ARHGEF10: variants seen among roughly 807,000 people sequenced by gnomAD.
ARHGEF10 encodes the protein Rho guanine nucleotide exchange factor (GEF) 10.
Under a neutral mutation model 147.4 loss-of-function variants are expected in ARHGEF10, and 140 were observed. That is an observed-to-expected ratio of 0.95 (90% CI 0.83 to 1.09). ARHGEF10 has a LOEUF of 1.09. Among genes scored for constraint, ARHGEF10 ranks in the 50% least tolerant of loss-of-function variants. The pLI is 0.00. For missense variants in ARHGEF10, 2,222 were observed against 1,752.7 expected, an observed-to-expected ratio of 1.27 and a Z score of -4.78; for synonymous variants, 902 against 695.8, an observed-to-expected ratio of 1.30 and a Z score of -4.67.
chr8:1,832,206 G>A (rs1166551016), intron 1 of ARHGEF10, among the ~76,000 whole-genome samples: 2 of 149,574 alleles, frequency 1.3e-5, no homozygotes, highest in South Asian at 2.1e-4. Context: ...TCCAAGGGAT[G>A]GAGCGTCCGT....
intron 18 of ARHGEF10, among the ~76,000 whole-genome samples, chr8:1,915,836 T>C (rs1811721167): frequency 6.6e-6 from 1 of 152,264 alleles, no homozygotes; most frequent in Non-Finnish European, 1.5e-5. Context: ...CGTGATCTGC[T>C]GATGCCAAAA....
chr8:1,955,010 TCCC>T (rs1563338615), intron 28 of ARHGEF10, among the ~76,000 whole-genome samples: 4 of 129,216 alleles, frequency 3.1e-5, no homozygotes, highest in East Asian at 2.3e-4. Flanking sequence ...AGCCAGGTGC[TCCC>T]TGAAAGGAGG....
intron 25 of ARHGEF10, 63 bp from the exon 26 acceptor site, chr8:1,933,737 C>G (rs969465002): frequency 1.0e-5 from 16 of 1,580,832 alleles, no homozygotes; most frequent in Non-Finnish European, 1.4e-5. Context: ...ATGTATGACC[C>G]CATTTTCCCA....
chr8:1,919,179 C>CTGGGTGATGGAGCTGTTCCG (rs1812006545), intron 18 of ARHGEF10, among the ~76,000 whole-genome samples: 2 of 64,988 alleles, frequency 3.1e-5, no homozygotes, highest in Admixed American at 1.6e-4. Context: ...GAGCTGTTCT[C>CTGGGTGATGGAGCTGTTCCG]TGGGTGATGG....
At chr8:1,911,916 C>G (rs1214517842) in intron 18 of ARHGEF10, among the ~76,000 whole-genome samples, 1 of 152,212 alleles carries the variant, frequency 6.6e-6, no homozygotes, top group South Asian at 2.1e-4. Context: ...TCTTCCGGTT[C>G]TCTTGGTTTG....
At chr8:1,889,836 G>A (rs115295552) in intron 11 of ARHGEF10, among the ~76,000 whole-genome samples, 106 of 132,622 alleles carry the variant, frequency 8.0e-4, no homozygotes, top group African/African-American at 3.0e-3. Context: ...GAAGACACTA[G>A]GTGGGGTGAG....
chr8:1,887,906 C>T (rs558612976), intron 11 of ARHGEF10, among the ~76,000 whole-genome samples: 45 of 146,658 alleles, frequency 3.1e-4, no homozygotes, highest in Admixed American at 4.7e-4. Context: ...CAAGGAAACA[C>T]GGAGTGGGGT....
intron 3 of ARHGEF10, chr8:1,858,783 A>G: frequency 8.2e-6 from 1 of 122,410 alleles, no homozygotes. Flanking sequence ...TCAGTTTGGC[A>G]GCGTTCCTCT....
At chr8:1,876,873 T>C (rs947478573) in intron 8 of ARHGEF10, 139 bp downstream of exon 8, 2 of 959,180 alleles carry the variant, frequency 2.1e-6, no homozygotes, top group African/African-American at 1.6e-5. Flanking sequence ...AAGCATAAGA[T>C]ATTGGCAAAG....
intron 18 of ARHGEF10, among the ~76,000 whole-genome samples, chr8:1,917,463 C>G (rs1811844056): frequency 6.6e-6 from 1 of 152,208 alleles, no homozygotes; most frequent in African/African-American, 2.4e-5. Context: ...CGAGCACACC[C>G]CCAGGGGCTT....
intron 27 of ARHGEF10, among the ~76,000 whole-genome samples, chr8:1,952,340 C>T (rs758709969): frequency 3.9e-5 from 6 of 152,200 alleles, no homozygotes; most frequent in African/African-American, 7.2e-5. Flanking sequence ...CTGTGTATGT[C>T]GGGGGCTCAC....
intron 28 of ARHGEF10, among the ~76,000 whole-genome samples, chr8:1,955,331 GGT>G (rs1815442992): frequency 2.4e-4 from 36 of 149,736 alleles, no homozygotes; most frequent in African/African-American, 8.1e-4. Flanking sequence ...CCTAAAAGGA[GGT>G]GCACTCACTG....
At chr8:1,831,479 TCCGTGGAGGGACAGTGTGACGG>T (rs1803101863) in intron 1 of ARHGEF10, among the ~76,000 whole-genome samples, 3 of 139,980 alleles carry the variant, frequency 2.1e-5, no homozygotes, top group Non-Finnish European at 1.5e-5. Context: ...CAGTGTGACA[TCCGTGGAGGGACAGTGTGACGG>T]CCGTGGAGGG....
chr8:1,914,995 G>A (rs1430003110), intron 18 of ARHGEF10, among the ~76,000 whole-genome samples: 1 of 152,160 alleles, frequency 6.6e-6, no homozygotes, highest in East Asian at 1.9e-4. Context: ...CAACAGATGA[G>A]CCCCTCACTG....
intron 2 of ARHGEF10, 68 bp downstream of exon 2, chr8:1,843,504 T>A (rs1804256118): frequency 3.3e-6 from 4 of 1,223,078 alleles, no homozygotes. Flanking sequence ...GACGGGGTAC[T>A]TCTGGAACCA....
intron 18 of ARHGEF10, among the ~76,000 whole-genome samples, chr8:1,916,289 T>C (rs1435072455): frequency 4.6e-5 from 7 of 152,242 alleles, no homozygotes; most frequent in Admixed American, 6.5e-5. Context: ...CACACACGTG[T>C]GTCCTACTAC....
At chr8:1,830,833 G>C (rs1342014760) in intron 1 of ARHGEF10, among the ~76,000 whole-genome samples, 3 of 152,220 alleles carry the variant, frequency 2.0e-5, no homozygotes, top group African/African-American at 7.2e-5. Context: ...TTGAATAGGA[G>C]CCATGGCAGG....
At position 1,940,171 on chromosome 8, in the gene ARHGEF10, C is replaced by T. The variant is rs544455729; in HGVS notation, c.3223-5310C>T. Reference sequence around the variant, plus strand: ...GAGGAAAGAAAGAAGCTTTGCTCCTCTATAGTCACACCAGAGTTCTGTCAT... The same window carrying T: ...GAGGAAAGAAAGAAGCTTTGCTCCTTTATAGTCACACCAGAGTTCTGTCAT... On this transcript the variant is annotated intron_variant, in intron 26 of 28. Coordinates refer to ENST00000349830, the MANE Select transcript of ARHGEF10 (RefSeq NM_014629.4). 2.0e-5 allele frequency among the ~76,000 whole-genome samples: 3 copies of T among 152,276 alleles called. No individual in the cohort carries two copies. In the South Asian group the frequency reaches 6.2e-4, roughly 32 times the overall value.
At chr8:1,896,557 T>C in intron 14 of ARHGEF10, 108 bp downstream of exon 14, 1 of 830,610 alleles carries the variant, frequency 1.2e-6, no homozygotes, top group Non-Finnish European at 2.1e-6. Flanking sequence ...TCAGTATCAA[T>C]AGTGCCCTAG....
Sources: gnomAD v4.1 joint callset for allele counts (sites outside exome capture counted in the v4.1 genomes callset) on GRCh38, gnomAD v4.1.1 for gene constraint, MANE v1.5 for transcripts, NCBI Gene and HGNC (gene_info 2026-07-23, HGNC 2026-07-21) for gene names.